The following ZNF410 variants were observed in gnomAD, a reference collection of about 807,000 sequenced individuals.
ZNF410 encodes another partner for ARF 1.
Under a neutral mutation model 54.8 loss-of-function variants are expected in ZNF410, and 18 were observed. That is an observed-to-expected ratio of 0.33 (90% CI 0.23 to 0.49). The LOEUF is 0.49. ZNF410 is among the 20% of genes least tolerant of loss of function. The pLI is 0.99. For missense variants in ZNF410, 405 were observed against 569.6 expected (o/e 0.71, Z 2.94); for synonymous variants, 191 against 207.3 (o/e 0.92, Z 0.68).
At chr14:73,924,745 C>A in intron 11 of ZNF410, 1 of 426,470 alleles carries the variant, frequency 2.3e-6, no homozygotes, top group East Asian at 7.1e-5. Context: ...GGTGCGTTCT[C>A]GGCTCACTGC....
At chr14:73,905,994 TAC>T (rs1555353445) in intron 7 of ZNF410, among the ~76,000 whole-genome samples, 2 of 136,550 alleles carry the variant, frequency 1.5e-5, no homozygotes, top group Non-Finnish European at 1.6e-5. Flanking sequence ...TATATATATA[TAC>T]ACACATACTT....
At chr14:73,891,903 G>A (rs1422491071) in intron 1 of ZNF410, 124 bp from the exon 2 acceptor site, 9 of 602,024 alleles carry the variant, frequency 1.5e-5, no homozygotes, top group Admixed American at 3.3e-5. Flanking sequence ...GAAGTGTTTC[G>A]GTTTGAATTC....
intron 1 of ZNF410, among the ~76,000 whole-genome samples, chr14:73,889,846 G>A (rs570128786): frequency 6.6e-6 from 1 of 151,438 alleles, no homozygotes; most frequent in East Asian, 1.9e-4. Flanking sequence ...GCCCGGGCTG[G>A]AGTACAGTGG....
intron 8 of ZNF410, among the ~76,000 whole-genome samples, chr14:73,909,788 A>G (rs2055549640): frequency 6.6e-6 from 1 of 152,192 alleles, no homozygotes; most frequent in Admixed American, 6.5e-5. Flanking sequence ...GAAGAAAGTA[A>G]AAAGACTGAT....
intron 8 of ZNF410, chr14:73,915,791 T>C (rs911504707): frequency 6.6e-6 from 1 of 152,228 alleles, no homozygotes; most frequent in Non-Finnish European, 1.5e-5. Context: ...GTTGAGATGA[T>C]CTTGTTTTTG....
intron 1 of ZNF410, among the ~76,000 whole-genome samples, chr14:73,890,219 T>C (rs2055207011): frequency 1.3e-5 from 2 of 151,866 alleles, no homozygotes; most frequent in African/African-American, 4.8e-5. Context: ...GATGGAGTCT[T>C]GCTCTGTCGC....
At chr14:73,903,834 T>C in intron 5 of ZNF410, 126 bp from the exon 6 acceptor site, 1 of 1,274,110 alleles carries the variant, frequency 7.8e-7, no homozygotes, top group Non-Finnish European at 1.1e-6. Flanking sequence ...CAAAGATAAC[T>C]GGGGAAGATG....
intron 8 of ZNF410, chr14:73,920,331 T>C (rs558262116): frequency 6.6e-6 from 1 of 152,340 alleles, no homozygotes; most frequent in South Asian, 2.1e-4. Context: ...ATGGCAACAG[T>C]TGGCTAGAGC....
chr14:73,910,754 A>C (rs2055563553), intron 8 of ZNF410, among the ~76,000 whole-genome samples: 1 of 31,782 alleles, frequency 3.1e-5, no homozygotes, highest in South Asian at 1.3e-3. Context: ...ACTCCGTCTC[A>C]AAAAAAAAAA....
chr14:73,896,462 T>A lies in ZNF410; in HGVS notation c.316T>A (p.Ser106Thr). The A allele has an allele frequency of 6.2e-7, 1 of 1,614,128 alleles. No homozygotes were observed. The highest frequency in any genetic ancestry group is 8.5e-7 in the Non-Finnish European group (1 of 1,180,032). ...KSPEFLSTSE[S>T]SSLLQDLQPS... Reference sequence around the variant, plus strand: ...CCCGGAGTTTTTGTCCACTTCAGAGTCTTCTAGCTTGTTGCAAGATCTACA... The same window carrying A: ...CCCGGAGTTTTTGTCCACTTCAGAGACTTCTAGCTTGTTGCAAGATCTACA... The change falls in exon 4 of 12, where the codon TCT becomes ACT. Residue 106 changes from serine (S) to threonine (T), a missense_variant. Around this residue, in one of 3 missense-constraint regions of ZNF410, gnomAD observed 247 missense variants for 342.8 expected, o/e 0.72. Coordinates refer to ENST00000555044, the MANE Select transcript of ZNF410 (RefSeq NM_021188.3).
intron 1 of ZNF410, chr14:73,887,534 A>G (rs1334616178): frequency 6.6e-6 from 1 of 151,550 alleles, no homozygotes; most frequent in Non-Finnish European, 1.5e-5. Context: ...AATTTATTAA[A>G]GTTTATCCCA....
At chr14:73,909,616 G>GC in intron 8 of ZNF410, 186 bp downstream of exon 8, 1 of 461,764 alleles carries the variant, frequency 2.2e-6, no homozygotes, top group Non-Finnish European at 3.9e-6. Context: ...TTGGGGGGGG[G>GC]ACATCTAATT....
intron 2 of ZNF410, chr14:73,893,422 C>A (rs190658987): frequency 6.0e-6 from 1 of 165,424 alleles, no homozygotes; most frequent in East Asian, 1.7e-4. Flanking sequence ...TGCCCCTAGG[C>A]TGCAAACCTA....
rs2055915909 is a variant in ZNF410, at chr14:73,931,560, G to C, written c.*19G>C. 7 of 1,609,902 alleles carry C rather than the reference G, an allele frequency of 4.3e-6. No homozygotes were observed. The East Asian group carries it at 1.6e-4, about 36-fold the overall frequency. ...GACATGAGCGTGGGTGCTGACTCCT[G>C]GAAGAGCAACTCTATCTGATCTCAA... On this transcript the variant is annotated 3_prime_UTR_variant, in exon 12 of 12. Transcript: ENST00000555044.
intron 8 of ZNF410, chr14:73,914,004 C>T (rs2055625611): frequency 6.6e-6 from 1 of 152,144 alleles, no homozygotes; most frequent in Non-Finnish European, 1.5e-5. Flanking sequence ...AGTTTTGCTT[C>T]TGCCTTTCCA....
chr14:73,899,801 G>A (rs1409262319), intron 5 of ZNF410, among the ~76,000 whole-genome samples: 1 of 152,116 alleles, frequency 6.6e-6, no homozygotes, highest in Non-Finnish European at 1.5e-5. Context: ...TTCTATCTGG[G>A]AAATGTTATA....
chr14:73,905,257 G>A (rs1406773328), intron 7 of ZNF410, 174 bp downstream of exon 7: 4 of 670,266 alleles, frequency 6.0e-6, no homozygotes, highest in Middle Eastern at 4.2e-4. Context: ...AACATTTATT[G>A]TATTTTTACC....
intron 5 of ZNF410, among the ~76,000 whole-genome samples, chr14:73,903,263 G>T (rs1478466995): frequency 6.6e-6 from 1 of 152,068 alleles, no homozygotes; most frequent in East Asian, 1.9e-4. Context: ...TCAGAACTTT[G>T]TCATCTTTGT....
At chr14:73,927,592 C>T (rs17094021) in intron 11 of ZNF410, among the ~76,000 whole-genome samples, 23,250 of 152,098 alleles carry the variant, frequency 0.15, 2,314 homozygotes, top group East Asian at 0.49. Context: ...AAATTCTCCA[C>T]GTTACCCAAA....
Sources: gnomAD v4.1 joint callset for allele counts (sites outside exome capture counted in the v4.1 genomes callset) on GRCh38, gnomAD v4.1.1 for gene constraint, gnomAD v4.1.1 regional missense constraint, MANE v1.5 for transcripts, NCBI Gene and HGNC (gene_info 2026-07-23, HGNC 2026-07-21) for gene names.